DIPK1A: variants seen among roughly 807,000 people sequenced by gnomAD.
DIPK1A encodes the protein divergent protein kinase domain 1A, also known as family with sequence similarity 69 member A.
Under a neutral mutation model 40.8 loss-of-function variants are expected in DIPK1A, and 27 were observed. The observed-to-expected ratio is 0.66, with a 90% confidence interval of 0.49 to 0.91. The LOEUF (loss-of-function observed/expected upper bound fraction) is 0.91, where lower values mean the gene tolerates loss of function less well. Ranked by LOEUF, DIPK1A falls within the 40% of genes least tolerant of loss-of-function variation. The pLI is 0.00. For missense variants in DIPK1A, 412 were observed against 505.7 expected (o/e 0.81, Z 1.78); for synonymous variants, 166 against 171.3 (o/e 0.97, Z 0.24).
chr1:92,842,478 GAAA>G lies in DIPK1A; in HGVS notation c.*902_*904del, dbSNP rs35488718. ...ACCTTGTATATCAAGTTTACATGGG[GAAA>G]AAAACATTAGATAAATAAATACATT... On this transcript the variant is annotated 3_prime_UTR_variant, in exon 5 of 5. Transcript: ENST00000370310. 1.0e-6 allele frequency: 1 copy of G among 976,468 alleles called. No individual in the cohort carries two copies. Among genetic ancestry groups the G allele is most frequent in the African/African-American group, 1.8e-5 (1 of 56,996 alleles). 60.5% of individuals were successfully genotyped at this position (976,468 alleles called of 1,614,324 possible).
intron 1 of DIPK1A, chr1:92,932,962 T>C (rs371936151): frequency 1.1e-4 from 16 of 152,218 alleles, no homozygotes; most frequent in African/African-American, 3.9e-4. Context: ...AGTGTAGGTT[T>C]GTCAATTGTA....
chr1:92,833,078 T>G (rs768233834), intron 4 of DIPK1A: 5 of 716,850 alleles, frequency 7.0e-6, no homozygotes, highest in South Asian at 1.5e-5. Context: ...TAAAACCTTT[T>G]GAAAGCAATA....
chr1:92,832,753 C>T (rs1364497844), exon 5 of DIPK1A: 3 of 479,634 alleles, frequency 6.3e-6, no homozygotes, highest in African/African-American at 3.9e-5. Context: ...TGGGGTAGGG[C>T]CCCAAGGGTG....
chr1:92,946,958 AAAACC>A (rs1237046010), intron 1 of DIPK1A, among the ~76,000 whole-genome samples: 2 of 151,730 alleles, frequency 1.3e-5, no homozygotes, highest in African/African-American at 4.8e-5. Context: ...AAAAAAAAAA[AAAACC>A]ACACAGACAT....
chr1:92,833,720 C>T (rs1477676264), intron 4 of DIPK1A: 1 of 1,336,280 alleles, frequency 7.5e-7, no homozygotes, highest in East Asian at 2.3e-5. Flanking sequence ...GCTTGGGAAG[C>T]AAAGCACATG....
At chr1:92,958,435 A>C (rs1422969557) in intron 1 of DIPK1A, among the ~76,000 whole-genome samples, 1 of 152,176 alleles carries the variant, frequency 6.6e-6, no homozygotes, top group Non-Finnish European at 1.5e-5. Flanking sequence ...CAAACAGCAT[A>C]ACTGCAAGTA....
chr1:92,929,478 C>T (rs1266815288), intron 1 of DIPK1A, among the ~76,000 whole-genome samples: 1 of 152,192 alleles, frequency 6.6e-6, no homozygotes, highest in East Asian at 1.9e-4. Context: ...CATCTCCTCC[C>T]CTTCCACGAT....
intron 2 of DIPK1A, among the ~76,000 whole-genome samples, chr1:92,860,206 T>C (rs1688116818): frequency 6.6e-6 from 1 of 152,086 alleles, no homozygotes; most frequent in South Asian, 2.1e-4. Context: ...AGTTTTACAG[T>C]TAGAGGTTCT....
chr1:92,957,006 T>G (rs1221113933), intron 1 of DIPK1A, among the ~76,000 whole-genome samples: 1 of 152,194 alleles, frequency 6.6e-6, no homozygotes, highest in African/African-American at 2.4e-5. Context: ...GGCAGAATGA[T>G]TGGAATGGAA....
chr1:92,957,568 G>A (rs954603284), intron 1 of DIPK1A, among the ~76,000 whole-genome samples: 1 of 152,222 alleles, frequency 6.6e-6, no homozygotes, highest in Non-Finnish European at 1.5e-5. Flanking sequence ...CTAGCCCACA[G>A]AGAGGCTGCA....
At chr1:92,838,400 G>T (rs763043623), downstream of DIPK1A, among the ~76,000 whole-genome samples, 1 of 152,156 alleles carries the variant, frequency 6.6e-6, no homozygotes, top group Non-Finnish European at 1.5e-5. Context: ...TTTGGATTAT[G>T]ATTCTACTAG....
chr1:92,950,446 A>G (rs1449604357), intron 1 of DIPK1A, among the ~76,000 whole-genome samples: 1 of 152,260 alleles, frequency 6.6e-6, no homozygotes. Context: ...GGATTTCACC[A>G]GCAGGAAGGG....
At chr1:92,948,798 T>TAG (rs1651506137) in intron 1 of DIPK1A, among the ~76,000 whole-genome samples, 1 of 144,072 alleles carries the variant, frequency 6.9e-6, no homozygotes, top group African/African-American at 2.6e-5. Context: ...TATGTGTGTG[T>TAG]ATATATATAT....
intron 4 of DIPK1A, chr1:92,835,012 C>T: frequency 1.3e-6 from 2 of 1,542,940 alleles, no homozygotes; most frequent in Non-Finnish European, 8.9e-7. Context: ...TTAAGTTGTG[C>T]TTCAGGAGAG....
intron 4 of DIPK1A, among the ~76,000 whole-genome samples, chr1:92,844,698 G>A (rs985456368): frequency 1.3e-5 from 2 of 152,036 alleles, no homozygotes; most frequent in Non-Finnish European, 2.9e-5. Context: ...CAAAGTGCTC[G>A]GATTACAGGC....
chr1:92,899,969 G>C (rs1649340120), intron 1 of DIPK1A, among the ~76,000 whole-genome samples: 1 of 152,002 alleles, frequency 6.6e-6, no homozygotes, highest in Non-Finnish European at 1.5e-5. Context: ...TGGCCTGTAA[G>C]GTTTCTGCAG....
intron 1 of DIPK1A, among the ~76,000 whole-genome samples, chr1:92,909,882 T>C (rs754696292): frequency 1.3e-4 from 20 of 152,216 alleles, no homozygotes; most frequent in Non-Finnish European, 2.4e-4. Flanking sequence ...AGGAATTAAA[T>C]GAATAGATTA....
chr1:92,935,103 C>A (rs1044330185), intron 1 of DIPK1A, among the ~76,000 whole-genome samples: 5 of 152,156 alleles, frequency 3.3e-5, no homozygotes, highest in African/African-American at 7.2e-5. Context: ...TGAAGCCCAG[C>A]GAAGGTGGGT....
intron 2 of DIPK1A, among the ~76,000 whole-genome samples, chr1:92,868,039 A>T (rs1231003281): frequency 6.6e-6 from 1 of 152,238 alleles, no homozygotes; most frequent in East Asian, 1.9e-4. Context: ...TCAGAGCATC[A>T]ATCAGTGTTA....
Sources: allele counts gnomAD v4.1 joint callset (sites outside exome capture counted in the v4.1 genomes callset), GRCh38; gene constraint gnomAD v4.1.1; transcripts MANE v1.5; gene names NCBI Gene and HGNC (gene_info 2026-07-23, HGNC 2026-07-21).